The following ITGA9 variants were observed in gnomAD, a reference collection of about 807,000 sequenced individuals.
ITGA9 encodes integrin alpha-9.
A neutral mutation model predicts 127.8 loss-of-function variants in ITGA9; 56 were observed. That is an observed-to-expected ratio of 0.44 (90% CI 0.35 to 0.55). The LOEUF (loss-of-function observed/expected upper bound fraction) is 0.55. Among genes scored for constraint, ITGA9 ranks in the 20% least tolerant of loss-of-function variants. ITGA9 has a pLI of 0.00. For synonymous variants in ITGA9, 508 were observed against 514.5 expected, an observed-to-expected ratio of 0.99 and a Z score of 0.17; for missense variants, 1,196 against 1,347.1, an observed-to-expected ratio of 0.89 and a Z score of 1.76.
rs76006623 is a variant in ITGA9 at position 37,475,630 on chromosome 3, A to T, written c.420+2170A>T. Reference sequence around the variant, plus strand: ...TAATGTTTTATGAAGTTATTGCATCATCCACTCAGTAAGCCACTGTATATG... The same window carrying T: ...TAATGTTTTATGAAGTTATTGCATCTTCCACTCAGTAAGCCACTGTATATG... On this transcript the variant is annotated intron_variant, in intron 3 of 27. Coordinates refer to ENST00000264741, the MANE Select transcript of ITGA9 (RefSeq NM_002207.3). 6.7e-3 allele frequency among the ~76,000 whole-genome samples: 1,023 copies of T among 152,288 alleles called. 10 individuals carry two copies. The highest frequency in any genetic ancestry group is 0.023 in the African/African-American group (947 of 41,550).
chr3:37,787,150 G>A (rs1226774665), intron 26 of ITGA9, among the ~76,000 whole-genome samples: 2 of 152,152 alleles, frequency 1.3e-5, no homozygotes, highest in South Asian at 4.1e-4. Context: ...TCATAGTTCT[G>A]GTTTAAAAGT....
intron 15 of ITGA9, among the ~76,000 whole-genome samples, chr3:37,600,459 A>G (rs1699912048): frequency 6.6e-6 from 1 of 152,050 alleles, no homozygotes; most frequent in Non-Finnish European, 1.5e-5. Context: ...CTAGCCCCAC[A>G]CATACTCTTT....
intron 18 of ITGA9, among the ~76,000 whole-genome samples, chr3:37,726,489 G>A (rs1428480039): frequency 6.6e-6 from 1 of 152,200 alleles, no homozygotes; most frequent in African/African-American, 2.4e-5. Flanking sequence ...TCAAATGCTT[G>A]TATGATTGGG....
chr3:37,578,521 C>T (rs1699674594), intron 15 of ITGA9, among the ~76,000 whole-genome samples: 1 of 151,628 alleles, frequency 6.6e-6, no homozygotes, highest in Non-Finnish European at 1.5e-5. Flanking sequence ...TTCCTTTCAC[C>T]CATCTTTTTC....
intron 18 of ITGA9, among the ~76,000 whole-genome samples, chr3:37,705,358 C>G (rs1700992543): frequency 6.6e-6 from 1 of 152,156 alleles, no homozygotes; most frequent in African/African-American, 2.4e-5. Context: ...TGAATCTTGT[C>G]ATAGGAGGAT....
Position 37,517,618 on chromosome 3 carries a change from G to C in ITGA9, c.1141+9G>C, listed in dbSNP as rs1698997311. 12 of 1,547,302 alleles carry C rather than the reference G, an allele frequency of 7.8e-6. No individual in the cohort carries two copies. Among genetic ancestry groups the C allele is most frequent in the Non-Finnish European group, 8.8e-6 (10 of 1,137,584 alleles). ...CAATGATGGGTTCCCAGGTGAGTGA[G>C]TGCTCCTGGTGCACGGAGCCCCTCC... On this transcript the variant is annotated intron_variant, in intron 10 of 27. Transcript: ENST00000264741.
chr3:37,510,979 T>C lies in ITGA9; in HGVS notation c.897+2352T>C, dbSNP rs529986989. On this transcript the variant is annotated intron_variant, in intron 8 of 27. Transcript: ENST00000264741. ...CAGAAGAAATGAGACATTCATGTCT[T>C]TCTGACTTCTCCATTACCTCCTACA... 3.9e-5 allele frequency among the ~76,000 whole-genome samples: 6 copies of C among 152,330 alleles called. No individual in the cohort carries two copies. In the South Asian group the frequency reaches 1.2e-3, roughly 32 times the overall value.
Position 37,520,364 on chromosome 3 carries a change from C to T in ITGA9, c.1236+1010C>T, listed in dbSNP as rs373491886. On this transcript the variant is annotated intron_variant, in intron 11 of 27. Coordinates refer to ENST00000264741, the MANE Select transcript of ITGA9 (RefSeq NM_002207.3). ...CTTTCTTTACCTTTAATCCTCGCAG[C>T]AGCCATGTAAGATGGGTCTGTTTAT... is the stretch of plus-strand genomic sequence containing the variant. 4.2e-4 allele frequency among the ~76,000 whole-genome samples: 64 copies of T among 152,304 alleles called. No homozygotes were observed. The South Asian group carries it at 0.013, about 32-fold the overall frequency.
rs543297344 is a variant in ITGA9, at chr3:37,518,771, C to CTTTTTTTTTTTTTTTTTT, written c.1142-475_1142-458dup. On this transcript the variant is annotated intron_variant, in intron 10 of 27. Transcript: ENST00000264741. ...GTCAGCTTCTATAGTTTTCACTGTA[C>CTTTTTTTTTTTTTTTTTT]TTTTTTTTTTTTTTTTTTTTTTTTT... Among the ~76,000 whole-genome samples, 16 of 43,492 alleles carry CTTTTTTTTTTTTTTTTTT rather than the reference C, an allele frequency of 3.7e-4. 5 individuals carry two copies. Among genetic ancestry groups the CTTTTTTTTTTTTTTTTTT allele is most frequent in the Non-Finnish European group, 4.9e-4 (12 of 24,488 alleles). 28.5% of individuals were successfully genotyped at this position (43,492 alleles called of 152,430 possible). A position where few individuals can be genotyped will look rare whatever the true frequency, so the allele number is the denominator to read the frequency against.
chr3:37,793,275 C>T (rs1447564655), intron 26 of ITGA9, among the ~76,000 whole-genome samples: 2 of 151,930 alleles, frequency 1.3e-5, no homozygotes, highest in Non-Finnish European at 2.9e-5. Flanking sequence ...AAGTTGTATT[C>T]TCAGAAGGTT....
At chr3:37,773,987 T>G (rs558402133) in intron 23 of ITGA9, among the ~76,000 whole-genome samples, 1 of 152,356 alleles carries the variant, frequency 6.6e-6, no homozygotes, top group Non-Finnish European at 1.5e-5. Flanking sequence ...TTGATGGGTT[T>G]CATTTCTAAG....
chr3:37,792,254 A>G (rs1404836530), intron 26 of ITGA9, among the ~76,000 whole-genome samples: 3 of 152,224 alleles, frequency 2.0e-5, no homozygotes, highest in Non-Finnish European at 4.4e-5. Context: ...GGGCTTGCTA[A>G]GAGCCAGGCA....
At chr3:37,796,585 G>A (rs570999572) in intron 26 of ITGA9, among the ~76,000 whole-genome samples, 19 of 152,150 alleles carry the variant, frequency 1.2e-4, no homozygotes, top group African/African-American at 2.2e-4. Context: ...GTGGATGGGC[G>A]GATGGACAGA....
At chr3:37,818,814 G>A in intron 27 of ITGA9, 77 bp from the exon 28 acceptor site, 3 of 1,089,418 alleles carry the variant, frequency 2.8e-6, no homozygotes, top group Non-Finnish European at 4.2e-6. Flanking sequence ...ACCTACCCAG[G>A]GACAGACTGC....
At chr3:37,549,974 A>C (rs1341458163) in intron 15 of ITGA9, among the ~76,000 whole-genome samples, 2 of 152,254 alleles carry the variant, frequency 1.3e-5, no homozygotes, top group Non-Finnish European at 2.9e-5. Flanking sequence ...TATTCAGGTA[A>C]TAGCGATAAA....
intron 12 of ITGA9, among the ~76,000 whole-genome samples, chr3:37,525,434 A>C (rs1699083920): frequency 6.6e-6 from 1 of 152,118 alleles, no homozygotes. Flanking sequence ...AATTATCTTC[A>C]TTTTACAGAC....
Position 37,603,358 on chromosome 3 carries a change from A to G in ITGA9, c.1690-25829A>G, listed in dbSNP as rs573666828. Among the ~76,000 whole-genome samples, 5 of 152,374 alleles carry G rather than the reference A, an allele frequency of 3.3e-5. No individual in the cohort carries two copies. The South Asian group carries it at 8.3e-4, about 25-fold the overall frequency. On this transcript the variant is annotated intron_variant, in intron 15 of 27. Coordinates refer to ENST00000264741, the MANE Select transcript of ITGA9 (RefSeq NM_002207.3). ...TATTATTTACATTGTATTGGGTATT[A>G]TAAGTAATCTAGAGATTAAAGTATA...
intron 25 of ITGA9, among the ~76,000 whole-genome samples, chr3:37,782,902 G>T (rs768693329): frequency 1.3e-5 from 2 of 152,208 alleles, no homozygotes; most frequent in Non-Finnish European, 2.9e-5. Context: ...CACTTTGGGA[G>T]GCTGAGGTGG....
intron 18 of ITGA9, among the ~76,000 whole-genome samples, chr3:37,722,662 A>G (rs926480455): frequency 4.6e-5 from 7 of 152,202 alleles, no homozygotes; most frequent in East Asian, 1.9e-4. Flanking sequence ...ATTCTTTTTC[A>G]TGGCTGAATA....
Sources: gnomAD v4.1 joint callset for allele counts (sites outside exome capture counted in the v4.1 genomes callset) on GRCh38, gnomAD v4.1.1 for gene constraint, MANE v1.5 for transcripts, NCBI Gene and HGNC (gene_info 2026-07-23, HGNC 2026-07-21) for gene names.